The following TFEC variants were observed in gnomAD, a reference collection of about 807,000 sequenced individuals.
TFEC encodes class E basic helix-loop-helix protein 34.
In TFEC, 31 loss-of-function variants were observed where a neutral mutation model predicts 41.6. The observed-to-expected ratio is 0.74, with a 90% CI of 0.56 to 1.01. TFEC has a LOEUF of 1.01. TFEC is among the 50% of genes least tolerant of loss of function. TFEC has a pLI of 0.00. For missense variants in TFEC, 402 were observed against 404.1 expected (o/e 0.99, Z 0.04); for synonymous variants, 143 against 140.6 (o/e 1.02, Z -0.12).
upstream of TFEC, among the ~76,000 whole-genome samples, chr7:116,034,061 C>T (rs759556377): frequency 7.3e-4 from 111 of 152,206 alleles, 1 homozygote; most frequent in African/African-American, 1.8e-3. Context: ...GCAGTGAATG[C>T]GTGATCATTC....
intron 1 of TFEC, among the ~76,000 whole-genome samples, chr7:116,113,568 T>C (rs1312161475): frequency 6.6e-6 from 1 of 152,006 alleles, no homozygotes; most frequent in Non-Finnish European, 1.5e-5. Flanking sequence ...GAGTACACCA[T>C]CCTATAAAAA....
intron 3 of TFEC, among the ~76,000 whole-genome samples, chr7:116,085,367 G>T (rs951023888): frequency 6.6e-6 from 1 of 151,838 alleles, no homozygotes; most frequent in Non-Finnish European, 1.5e-5. Context: ...GAAGTGAAGC[G>T]GGGATCAGCT....
At chr7:116,099,947 A>T (rs1461753729) in intron 3 of TFEC, among the ~76,000 whole-genome samples, 3 of 152,194 alleles carry the variant, frequency 2.0e-5, no homozygotes, top group African/African-American at 7.2e-5. Flanking sequence ...TAACTTTTTT[A>T]AAATCTGAAG....
intron 2 of TFEC, among the ~76,000 whole-genome samples, chr7:115,982,270 C>T (rs998490505): frequency 4.0e-5 from 6 of 151,786 alleles, no homozygotes; most frequent in African/African-American, 1.2e-4. Context: ...TCCCACTCTG[C>T]CCTTGTGTTA....
Position 116,097,557 on chromosome 7 carries a change from AG to A in TFEC, c.198+13150del, listed in dbSNP as rs1486607537. On this transcript the variant is annotated intron_variant, in intron 3 of 8. Coordinates refer to the TFEC transcript ENST00000484212. ...CGAAAATGGCTACTAAGTGACTAAC[AG>A]GAAGTAGCTTTTATAGTGTGGCGAT... 2.8e-4 allele frequency among the ~76,000 whole-genome samples: 42 copies of A among 152,318 alleles called. No homozygotes were observed. In the East Asian group the frequency reaches 5.6e-3, roughly 20 times the overall value.
At chr7:116,010,502 A>G (rs1474240268) in intron 1 of TFEC, among the ~76,000 whole-genome samples, 1 of 152,180 alleles carries the variant, frequency 6.6e-6, no homozygotes, top group Non-Finnish European at 1.5e-5. Context: ...TTTGGTTTTA[A>G]ACATATTGAA....
intron 6 of TFEC, among the ~76,000 whole-genome samples, chr7:115,945,093 C>A (rs1052476411): frequency 6.9e-6 from 1 of 145,504 alleles, no homozygotes; most frequent in South Asian, 2.5e-4. Flanking sequence ...ACCTGTTCAA[C>A]AAGTTATTCA....
chr7:116,158,177 G>GAAT (rs1300756464), intron 1 of TFEC, among the ~76,000 whole-genome samples: 8 of 152,046 alleles, frequency 5.3e-5, no homozygotes, highest in Non-Finnish European at 2.9e-5. Flanking sequence ...TTTTGGAAGA[G>GAAT]GCATTCTCTG....
At chr7:116,100,191 C>T (rs1323972470) in intron 3 of TFEC, among the ~76,000 whole-genome samples, 1 of 152,090 alleles carries the variant, frequency 6.6e-6, no homozygotes, top group East Asian at 1.9e-4. Context: ...ATACAAAGAA[C>T]CAAGCCTTAA....
At chr7:116,063,904 T>C (rs910071682) in intron 3 of TFEC, among the ~76,000 whole-genome samples, 6 of 152,160 alleles carry the variant, frequency 3.9e-5, no homozygotes, top group African/African-American at 7.2e-5. Context: ...ACAATGAACA[T>C]GGGAGTGCAG....
At chr7:116,084,311 A>G (rs1797155182) in intron 3 of TFEC, among the ~76,000 whole-genome samples, 1 of 151,930 alleles carries the variant, frequency 6.6e-6, no homozygotes, top group Non-Finnish European at 1.5e-5. Context: ...ATTTCATGAT[A>G]TAATCTTTCC....
intron 1 of TFEC, among the ~76,000 whole-genome samples, chr7:116,137,468 G>C (rs902401107): frequency 1.5e-4 from 23 of 152,086 alleles, no homozygotes; most frequent in African/African-American, 5.3e-4. Flanking sequence ...TGTGAGTATA[G>C]GCCTTGACAG....
At chr7:116,086,534 AT>A (rs1229555082) in intron 3 of TFEC, among the ~76,000 whole-genome samples, 1 of 151,802 alleles carries the variant, frequency 6.6e-6, no homozygotes, top group East Asian at 1.9e-4. Flanking sequence ...GATATGCTAA[AT>A]TTATTATTTT....
chr7:115,946,365 G>C (rs1235014732), intron 6 of TFEC, among the ~76,000 whole-genome samples: 2 of 149,868 alleles, frequency 1.3e-5, no homozygotes, highest in Non-Finnish European at 3.0e-5. Flanking sequence ...CGGATTTAGA[G>C]AAAAAGTGCT....
chr7:116,062,863 A>C (rs1796603314), intron 3 of TFEC, among the ~76,000 whole-genome samples: 1 of 152,096 alleles, frequency 6.6e-6, no homozygotes, highest in Non-Finnish European at 1.5e-5. Context: ...TTAATGGTAT[A>C]ATCACTATGA....
At chr7:116,030,567 T>C in intron 1 of TFEC, 66 bp downstream of exon 1, 1 of 914,498 alleles carries the variant, frequency 1.1e-6, no homozygotes, top group Non-Finnish European at 1.3e-6. Flanking sequence ...AAAACAAGTA[T>C]TGATTAGTTT....
At chr7:116,069,041 AT>A (rs1348361370) in intron 3 of TFEC, among the ~76,000 whole-genome samples, 2 of 151,230 alleles carry the variant, frequency 1.3e-5, no homozygotes, top group South Asian at 2.1e-4. Context: ...TAAACTCTAC[AT>A]TTCTTCATAC....
At chr7:116,104,940 G>T (rs1326822089) in intron 3 of TFEC, among the ~76,000 whole-genome samples, 4 of 152,148 alleles carry the variant, frequency 2.6e-5, no homozygotes, top group African/African-American at 9.7e-5. Flanking sequence ...CTTAGCTACT[G>T]AGGCTGTGAT....
rs377214763 is a variant in TFEC, at chr7:115,990,314, C to T, written c.-72-5801G>A. ...AAAGCTGAAAATTCTAAAATCAGAG[C>T]GCTTCTTCTCCACCAAAGGAGCGCG... On this transcript the variant is annotated intron_variant, in intron 1 of 7. Transcript: ENST00000265440. Among the ~76,000 whole-genome samples, 24 of 152,240 alleles carry T rather than the reference C, an allele frequency of 1.6e-4. No homozygotes were observed. The South Asian group carries it at 1.9e-3, about 12-fold the overall frequency.
Sources: allele counts gnomAD v4.1 joint callset (sites outside exome capture counted in the v4.1 genomes callset), GRCh38; gene constraint gnomAD v4.1.1; transcripts MANE v1.5; gene names NCBI Gene and HGNC (gene_info 2026-07-23, HGNC 2026-07-21).